The following CNTN5 variants were observed in gnomAD, a reference collection of about 807,000 sequenced individuals.
The protein encoded by CNTN5 is contactin 5.
A neutral mutation model predicts 129.1 loss-of-function variants in CNTN5; 77 were observed. That is an observed-to-expected ratio of 0.60 (90% CI 0.50 to 0.72). The LOEUF (loss-of-function observed/expected upper bound fraction) is 0.72, where lower values mean the gene tolerates loss of function less well. CNTN5 is among the 30% of genes least tolerant of loss of function. The pLI is 0.00. For missense variants in CNTN5, 1,478 were observed against 1,328.8 expected (o/e 1.11, Z -1.75); for synonymous variants, 509 against 465.6 (o/e 1.09, Z -1.20).
intron 2 of CNTN5, among the ~76,000 whole-genome samples, chr11:99,535,299 A>G (rs1021014099): frequency 1.3e-5 from 2 of 152,198 alleles, no homozygotes; most frequent in Admixed American, 1.3e-4. Context: ...GGACTAATAC[A>G]TGGAAAATTT....
At chr11:100,298,935 T>C (rs920678205) in intron 19 of CNTN5, among the ~76,000 whole-genome samples, 7 of 151,450 alleles carry the variant, frequency 4.6e-5, no homozygotes, top group Admixed American at 2.0e-4. Flanking sequence ...CTCTTGAGAG[T>C]TTTTGTACAT....
At chr11:99,510,524 A>G (rs1223364773) in intron 2 of CNTN5, among the ~76,000 whole-genome samples, 1 of 152,206 alleles carries the variant, frequency 6.6e-6, no homozygotes, top group Non-Finnish European at 1.5e-5. Flanking sequence ...GTGCTTCAGA[A>G]AAGTACATAT....
intron 2 of CNTN5, among the ~76,000 whole-genome samples, chr11:99,366,093 C>G (rs1363831260): frequency 6.6e-6 from 1 of 152,146 alleles, no homozygotes; most frequent in Non-Finnish European, 1.5e-5. Flanking sequence ...TTGTAAAACC[C>G]TTTGGAACCT....
intron 8 of CNTN5, among the ~76,000 whole-genome samples, chr11:99,979,573 G>A (rs1321413960): frequency 2.0e-5 from 3 of 152,100 alleles, no homozygotes; most frequent in Admixed American, 6.5e-5. Context: ...AGGGGAGGTA[G>A]TTTACTTTTT....
intron 1 of CNTN5, among the ~76,000 whole-genome samples, chr11:99,214,675 G>T (rs1300847482): frequency 6.6e-6 from 1 of 151,794 alleles, no homozygotes; most frequent in Non-Finnish European, 1.5e-5. Context: ...AACCAATCTG[G>T]TGAAAACTTT....
chr11:100,032,925 A>C (rs1336513439), intron 9 of CNTN5, among the ~76,000 whole-genome samples: 1 of 152,202 alleles, frequency 6.6e-6, no homozygotes, highest in East Asian at 1.9e-4. Context: ...TACAATTCTT[A>C]AAATTTTACC....
In CNTN5 at chr11:100,060,268, G is replaced by A. The variant is rs1231797851; in HGVS notation, c.981-944G>A. Among the ~76,000 whole-genome samples, 3 of 151,220 alleles carry A rather than the reference G, an allele frequency of 2.0e-5. No individual in the cohort carries two copies. In the East Asian group the frequency reaches 5.8e-4, roughly 29 times the overall value. Reference sequence around the variant, plus strand: ...GCTGCTTTCAATGTTTACCTAAAAGGGGGCAGTTGATTAAGCTGGTACATC... The same window carrying A: ...GCTGCTTTCAATGTTTACCTAAAAGAGGGCAGTTGATTAAGCTGGTACATC... On this transcript the variant is annotated intron_variant, in intron 9 of 24. Coordinates refer to ENST00000524871, the MANE Select transcript of CNTN5 (RefSeq NM_014361.4).
intron 20 of CNTN5, among the ~76,000 whole-genome samples, chr11:100,303,938 A>C (rs1405279640): frequency 6.6e-6 from 1 of 151,652 alleles, no homozygotes; most frequent in African/African-American, 2.4e-5. Context: ...TTAAATAATG[A>C]AACCATACCC....
intron 1 of CNTN5, among the ~76,000 whole-genome samples, chr11:99,190,844 T>C (rs1205906307): frequency 6.6e-6 from 1 of 151,712 alleles, no homozygotes; most frequent in East Asian, 1.9e-4. Context: ...TTTTTTCTCT[T>C]GCCTAACTCC....
intron 1 of CNTN5, among the ~76,000 whole-genome samples, chr11:99,256,789 T>A (rs747700663): frequency 6.6e-6 from 1 of 152,012 alleles, no homozygotes; most frequent in African/African-American, 2.4e-5. Context: ...TCACAAACTA[T>A]ACAAAAAATT....
intron 2 of CNTN5, among the ~76,000 whole-genome samples, chr11:99,359,786 T>C (rs1036179615): frequency 5.3e-5 from 8 of 152,006 alleles, no homozygotes; most frequent in Non-Finnish European, 1.2e-4. Context: ...GCAAGTTACG[T>C]GCTTCTGAAA....
chr11:99,176,390 C>T (rs897590344), intron 1 of CNTN5, among the ~76,000 whole-genome samples: 1 of 152,170 alleles, frequency 6.6e-6, no homozygotes, highest in African/African-American at 2.4e-5. Flanking sequence ...TTTCCTTAAA[C>T]TCCAGATTTG....
At chr11:99,141,098 G>T (rs557875828) in intron 1 of CNTN5, among the ~76,000 whole-genome samples, 1 of 152,202 alleles carries the variant, frequency 6.6e-6, no homozygotes, top group East Asian at 1.9e-4. Context: ...ACAACTGGTA[G>T]ATTTTGGCTG....
intron 13 of CNTN5, among the ~76,000 whole-genome samples, chr11:100,094,816 G>GGAAGGAAA (rs1555006115): frequency 1.4e-5 from 2 of 139,970 alleles, no homozygotes; most frequent in African/African-American, 5.6e-5. Flanking sequence ...AAGGAAGGAA[G>GGAAGGAAA]GAAATTAAAG....
chr11:100,295,512 AT>A (rs1056132046), intron 18 of CNTN5, among the ~76,000 whole-genome samples: 8 of 151,474 alleles, frequency 5.3e-5, no homozygotes. Context: ...TTTTTTAAAA[AT>A]AAAAGTATCA....
chr11:99,774,652 A>G (rs1945061597), intron 3 of CNTN5, among the ~76,000 whole-genome samples: 1 of 152,002 alleles, frequency 6.6e-6, no homozygotes, highest in African/African-American at 2.4e-5. Context: ...TCTCGGGCTC[A>G]TCGTTTTTAT....
chr11:100,249,655 G>A lies in CNTN5; in HGVS notation c.2006-6105G>A, dbSNP rs893531758. ...GGACTGTCACACATTTGTCATCACT[G>A]AGACGTTTGCTTATTAATCTATCTT... On this transcript the variant is annotated intron_variant, in intron 16 of 24. Coordinates refer to ENST00000524871, the MANE Select transcript of CNTN5 (RefSeq NM_014361.4). 8.5e-5 allele frequency among the ~76,000 whole-genome samples: 13 copies of A among 152,228 alleles called. 1 individual carries two copies. In the East Asian group the frequency reaches 2.5e-3, roughly 29 times the overall value.
chr11:100,167,709 C>T (rs754161269), intron 13 of CNTN5, among the ~76,000 whole-genome samples: 3 of 151,880 alleles, frequency 2.0e-5, no homozygotes, highest in Non-Finnish European at 4.4e-5. Flanking sequence ...AAGGAGGTGA[C>T]ACTTAAACTG....
At chr11:99,520,872 C>T (rs573399453) in intron 2 of CNTN5, among the ~76,000 whole-genome samples, 107 of 152,220 alleles carry the variant, frequency 7.0e-4, no homozygotes, top group South Asian at 3.9e-3. Flanking sequence ...TTTGTTTGTA[C>T]TGCTTTAAGG....
Sources: allele counts gnomAD v4.1 joint callset (sites outside exome capture counted in the v4.1 genomes callset), GRCh38; gene constraint gnomAD v4.1.1; transcripts MANE v1.5; gene names NCBI Gene and HGNC (gene_info 2026-07-23, HGNC 2026-07-21).